Variants in GALNS observed in about 807,000 individuals in gnomAD.
GALNS encodes N-acetylgalactosamine-6-sulfatase.
Under a neutral mutation model 65.9 loss-of-function variants are expected in GALNS, and 65 were observed. The ratio of observed to expected loss-of-function variants is 0.99; its 90% CI spans 0.81 to 1.21. The LOEUF (loss-of-function observed/expected upper bound fraction) is 1.21. Ranked by LOEUF, GALNS falls within the 50% of genes most tolerant of loss-of-function variation. The pLI, the probability that GALNS is intolerant of heterozygous loss-of-function variation, is 0.00. For missense variants in GALNS, 776 were observed against 700.7 expected, an observed-to-expected ratio of 1.11 and a Z score of -1.21; for synonymous variants, 346 against 288.9, an observed-to-expected ratio of 1.20 and a Z score of -2.00.
chr16:88,840,790 G>GC, intron 4 of GALNS: 1 of 619,128 alleles, frequency 1.6e-6, no homozygotes. Flanking sequence ...CGTGGGACCA[G>GC]CCTGGTGACC....
At chr16:88,816,625 G>A in intron 13 of GALNS, 1 of 984,904 alleles carries the variant, frequency 1.0e-6, no homozygotes, top group Non-Finnish European at 1.2e-6. Context: ...GCCCTCCATG[G>A]TCCTCACTGC....
At chr16:88,824,229 C>T (rs1463805161) in intron 11 of GALNS, among the ~76,000 whole-genome samples, 1 of 151,986 alleles carries the variant, frequency 6.6e-6, no homozygotes, top group Non-Finnish European at 1.5e-5. Flanking sequence ...CCAGAAAAGA[C>T]CGTGGGGAGG....
At chr16:88,855,983 G>A in intron 1 of GALNS, 1 of 592,760 alleles carries the variant, frequency 1.7e-6, no homozygotes, top group East Asian at 2.8e-5. Flanking sequence ...GTTCAAGAAT[G>A]GAAGTGACCC....
intron 1 of GALNS, chr16:88,843,751 G>GCTGT (rs202170903): frequency 0.38 from 59,577 of 157,934 alleles, 12,077 homozygotes; most frequent in East Asian, 0.65. Flanking sequence ...ATCCATTTCC[G>GCTGT]CTAAGGCCAC....
chr16:88,848,504 G>A (rs1354957748), intron 1 of GALNS, among the ~76,000 whole-genome samples: 2 of 151,690 alleles, frequency 1.3e-5, no homozygotes, highest in Non-Finnish European at 2.9e-5. Context: ...GTGGTTGCAG[G>A]CGCCTGTGGT....
At position 88,814,009 on chromosome 16, in the gene GALNS, T is replaced by C. The variant is rs557503475; in HGVS notation, c.*430A>G. The stretch of plus-strand genomic sequence containing the variant: ...AGGCTGACTGAACCAATGTACGCCA[T>C]ACACATACTGATCTTGTGTCTCCCT... On this transcript the variant is annotated 3_prime_UTR_variant, in exon 14 of 14. Transcript: ENST00000268695. 33 of 315,756 alleles carry C rather than the reference T, an allele frequency of 1.0e-4. No homozygotes were observed. Among genetic ancestry groups the C allele is most frequent in the African/African-American group, 6.6e-4 (31 of 46,654 alleles). 19.6% of individuals were successfully genotyped at this position (315,756 alleles called of 1,614,324 possible).
rs547176832 is a variant in GALNS at position 88,848,566 on chromosome 16, C to T, written c.121-5737G>A. On this transcript the variant is annotated intron_variant, in intron 1 of 13. Transcript: ENST00000268695. ...GACAGCCTGGGTGACAGTGAGACTC[C>T]GTCTGAAAAAAAAAAAAAAAGGAAG... Among the ~76,000 whole-genome samples, 41 of 121,202 alleles carry T rather than the reference C, an allele frequency of 3.4e-4. 1 individual carries two copies. In the East Asian group the frequency reaches 0.011, roughly 31 times the overall value. The allele number at this position is 121,202 out of a possible 152,430, so 79.5% of individuals were successfully genotyped here.
chr16:88,826,627 G>C, intron 10 of GALNS, 75 bp downstream of exon 10: 2 of 1,540,796 alleles, frequency 1.3e-6, no homozygotes, highest in East Asian at 4.5e-5. Context: ...TGGGCCTGGG[G>C]GTTGCACCTG....
At chr16:88,848,923 C>T (rs1967381521) in intron 1 of GALNS, among the ~76,000 whole-genome samples, 1 of 152,214 alleles carries the variant, frequency 6.6e-6, no homozygotes, top group Admixed American at 6.5e-5. Context: ...TGATCCATTT[C>T]CCCGGTGGAC....
chr16:88,823,169 C>T (rs546358117), intron 11 of GALNS, among the ~76,000 whole-genome samples: 9 of 151,960 alleles, frequency 5.9e-5, no homozygotes, highest in Non-Finnish European at 7.4e-5. Context: ...GGGAAAGGGA[C>T]GGGAAGGGAG....
At chr16:88,823,241 G>C (rs1041820465) in intron 11 of GALNS, among the ~76,000 whole-genome samples, 1 of 152,224 alleles carries the variant, frequency 6.6e-6, no homozygotes, top group Non-Finnish European at 1.5e-5. Context: ...CCCTAAGACA[G>C]GGAGGAGCAG....
At chr16:88,828,600 C>A (rs576186053) in intron 9 of GALNS, among the ~76,000 whole-genome samples, 4 of 152,336 alleles carry the variant, frequency 2.6e-5, no homozygotes, top group African/African-American at 9.6e-5. Flanking sequence ...GAAAAGGCAA[C>A]TTGGTGGCTC....
intron 9 of GALNS, among the ~76,000 whole-genome samples, chr16:88,827,345 T>C (rs1160877437): frequency 6.6e-6 from 1 of 152,148 alleles, no homozygotes; most frequent in Admixed American, 6.5e-5. Context: ...GAGGCTGTCT[T>C]TCCCGCCGTG....
At chr16:88,824,713 G>C (rs1471743362) in intron 11 of GALNS, 54 bp downstream of exon 11, 1 of 1,491,014 alleles carries the variant, frequency 6.7e-7, no homozygotes, top group Non-Finnish European at 9.3e-7. Flanking sequence ...CAGGGGCCAC[G>C]TCTGGATAGA....
In GALNS at chr16:88,836,063, G is replaced by T. The variant is rs2269335; in HGVS notation, c.633+138C>A. On this transcript the variant is annotated intron_variant, in intron 6 of 13. Coordinates refer to ENST00000268695, the MANE Select transcript of GALNS (RefSeq NM_000512.5). ...TCCCCACGCGTCCCACGGGGCGAGG[G>T]TGATGAGGTCCCTGAACCCATGCCT... The T allele has an allele frequency of 0.35, 366,307 of 1,034,072 alleles. 72,792 individuals carry two copies. The highest frequency in any genetic ancestry group is 0.62 in the East Asian group (24,216 of 38,816). The allele number at this position is 1,034,072 out of a possible 1,614,324, so 64.1% of individuals were successfully genotyped here.
rs146093755 is a variant in GALNS, at chr16:88,840,999, C to T, written c.415G>A (p.Gly139Ser). Residue 139 changes from glycine (G) to serine (S), a missense_variant, in exon 4 of 14, where the codon GGC becomes AGC. Coordinates refer to ENST00000268695, the MANE Select transcript of GALNS (RefSeq NM_000512.5). ...KKAGYVSKIV[G>S]KWHLGHRPQF... ...CGTGGCCAGGAGACTTACCACTTGC[C>T]GACAATCTTGCTGACGTAGCCGGCC... 20 of 1,612,828 alleles carry T rather than the reference C, an allele frequency of 1.2e-5. No individual in the cohort carries two copies. The highest frequency in any genetic ancestry group is 5.3e-5 in the African/African-American group (4 of 74,916).
intron 8 of GALNS, among the ~76,000 whole-genome samples, chr16:88,833,178 T>C (rs1023639511): frequency 2.0e-5 from 3 of 150,334 alleles, no homozygotes; most frequent in African/African-American, 7.3e-5. Flanking sequence ...TGCGCTGCCA[T>C]CCAACCCCGA....
intron 9 of GALNS, among the ~76,000 whole-genome samples, chr16:88,829,432 G>T (rs1911262963): frequency 6.6e-6 from 1 of 152,260 alleles, no homozygotes; most frequent in African/African-American, 2.4e-5. Context: ...CCTTCACACG[G>T]AGCCGCAGCT....
intron 5 of GALNS, among the ~76,000 whole-genome samples, chr16:88,837,172 G>A (rs891186475): frequency 2.0e-5 from 3 of 152,186 alleles, no homozygotes; most frequent in South Asian, 2.1e-4. Context: ...CTGCCCCCAC[G>A]CCCGGGCACC....
Sources: gnomAD v4.1 joint callset for allele counts (sites outside exome capture counted in the v4.1 genomes callset) on GRCh38, gnomAD v4.1.1 for gene constraint, MANE v1.5 for transcripts, NCBI Gene and HGNC (gene_info 2026-07-23, HGNC 2026-07-21) for gene names.